Variants in KMT2D observed in about 807,000 individuals in gnomAD.
The protein encoded by KMT2D is histone-lysine N-methyltransferase 2D.
KMT2D carries 55 observed loss-of-function variants against 512.7 expected under a neutral mutation model. The ratio of observed to expected loss-of-function variants is 0.11; its 90% CI spans 0.09 to 0.13. The LOEUF (loss-of-function observed/expected upper bound fraction) is 0.13. KMT2D is among the 10% of genes least tolerant of loss of function. The pLI is 1.00. For synonymous variants in KMT2D, 2,995 were observed against 2,904.0 expected, an observed-to-expected ratio of 1.03 and a Z score of -1.01; for missense variants, 6,061 against 7,127.9, an observed-to-expected ratio of 0.85 and a Z score of 5.39.
chr12:49,027,332 G>A lies in KMT2D; in HGVS notation c.14644-10C>T, dbSNP rs1414123035. 6.6e-7 allele frequency: 1 copy of A among 1,510,220 alleles called. No individual in the cohort carries two copies. The highest frequency in any genetic ancestry group is 2.3e-5 in the East Asian group (1 of 43,514). 93.6% of individuals were successfully genotyped at this position (1,510,220 alleles called of 1,614,324 possible). ...CTGGGGCGGGGCTCTCCTGTAGGAGGGTGCCCTGTATCATTAGTGCCAGCT... is the reference window on the plus strand; with the variant it reads ...CTGGGGCGGGGCTCTCCTGTAGGAGAGTGCCCTGTATCATTAGTGCCAGCT... On this transcript the variant is annotated splice_polypyrimidine_tract_variant and intron_variant, in intron 48 of 54. Transcript: ENST00000301067.
rs1241275789 is a variant in KMT2D, at chr12:49,050,964, G to A, written c.2719C>T (p.Pro907Ser). 1.3e-6 allele frequency: 2 copies of A among 1,559,958 alleles called. No individual in the cohort carries two copies. The highest frequency in any genetic ancestry group is 1.7e-6 in the Non-Finnish European group (2 of 1,154,620). Reference protein sequence around the residue: ...EPALSEPGEPPLSPLPEELPL... With the variant: ...EPALSEPGEPSLSPLPEELPL... ...AGCTCCTCGGGCAGAGGGGACAGAG[G>A]TGGTTCCCCAGGCTCAGACAGGGCT... The change falls in exon 11 of 55, where the codon CCT (proline) becomes TCT (serine). Residue 907 changes from proline (P) to serine (S), a missense_variant. Around this residue, in one of 16 missense-constraint regions of KMT2D, gnomAD observed 848 missense variants for 838.5 expected, o/e 1.01. Coordinates refer to ENST00000301067, the MANE Select transcript of KMT2D (RefSeq NM_003482.4).
rs1201606861 is a variant in KMT2D at position 49,042,595 on chromosome 12, G to C, written c.5833C>G (p.Pro1945Ala). Residue 1945 changes from proline to alanine, a missense_variant, in exon 28 of 55, where the codon CCA becomes GCA. This residue lies in a region of KMT2D where 640 missense variants were observed against 814.3 expected (regional missense o/e 0.79). Transcript: ENST00000301067. The surrounding 1 kb of genome is among the most constrained non-coding windows in gnomAD (Gnocchi z 4.4). The part of the protein sequence containing the change: ...LPSSSPMDSY[P>A]GLCQSPFLDS... ...AGGAACGGGGACTGGCAGAGGCCTG[G>C]GTAGGAGTCCATTGGGCTGCTGGAG... 2 of 1,613,834 alleles carry C rather than the reference G, an allele frequency of 1.2e-6. No individual in the cohort carries two copies. The highest frequency in any genetic ancestry group is 1.7e-6 in the Non-Finnish European group (2 of 1,179,802).
chr12:49,034,458 G>T lies in KMT2D; in HGVS notation c.10459C>A (p.Pro3487Thr), dbSNP rs1943117900. The change falls in exon 38 of 55, where the codon CCC (proline) becomes ACC (threonine). Residue 3487 changes from proline to threonine, a missense_variant. Around this residue, in one of 16 missense-constraint regions of KMT2D, gnomAD observed 533 missense variants for 539.6 expected, o/e 0.99. Transcript: ENST00000301067. ...GGCGGGTTGGGACGAGGCTGGGAGG[G>T]ATCACCAGCACTCCGCTCCTGCAAT... ...GSGQERSAGD[P>T]SQPRPNPPTF... 6.2e-7 allele frequency: 1 copy of T among 1,613,644 alleles called. No homozygotes were observed. The highest frequency in any genetic ancestry group is 1.1e-5 in the South Asian group (1 of 91,054).
At position 49,050,222 on chromosome 12, in the gene KMT2D, T is replaced by G. The variant is rs773345382; in HGVS notation, c.3366A>C (p.Thr1122=). ...GAGCATCAATCCCATCCAGAGGGGC[T>G]GTGTCTTCCCCTAGGCCAGAGAAGT... The part of the protein sequence containing the change: ...LDDFSGLGED[T]APLDGIDAPG... Residue 1122 remains threonine, a synonymous_variant, in exon 12 of 55, where the codon ACA becomes ACC. Transcript: ENST00000301067. 27 of 1,613,506 alleles carry G rather than the reference T, an allele frequency of 1.7e-5. No homozygotes were observed. Among genetic ancestry groups the G allele is most frequent in the Non-Finnish European group, 2.3e-5 (27 of 1,179,790 alleles).
Position 49,051,703 on chromosome 12 carries a change from T to C in KMT2D, c.1980A>G (p.Ser660=), listed in dbSNP as rs1592156019. ...VSRLSPLPVV[S]RLSPPPEESP... ...ATTCCTCAGGCGGTGGAGACAGGCG[T>C]GACACCACAGGCAGGGGGGATAGGC... The change falls in exon 11 of 55, where the codon TCA becomes TCG. Residue 660 remains serine, a synonymous_variant. Transcript: ENST00000301067. The C allele has an allele frequency of 7.8e-7, 1 of 1,277,052 alleles. No individual in the cohort carries two copies. The allele number at this position is 1,277,052 out of a possible 1,614,324, so 79.1% of individuals were successfully genotyped here.
rs398123707 is a variant in KMT2D at position 49,033,482 on chromosome 12, T to TTGC, written c.11220_11222dup (p.Gln3745dup). 1.4e-3 allele frequency: 2,252 copies of TTGC among 1,611,336 alleles called. 5 individuals are homozygous for TTGC. The highest frequency in any genetic ancestry group is 1.3e-3 in the Non-Finnish European group (1,583 of 1,178,770). ...GTCCTAGAAGGTGCTGCTGCTGCTG[T>TTGC]TGCTGCTGCTGCTGCTGCTGCAGTT... On this transcript the variant is annotated inframe_insertion, in exon 40 of 55. Transcript: ENST00000301067.
Position 49,044,159 on chromosome 12 carries a change from C to A in KMT2D, c.5188+41G>T, listed in dbSNP as rs745831259. The stretch of plus-strand genomic sequence containing the variant: ...CCCCTGGGTCTCTCTAGCATTGCCC[C>A]ACCTTCTCCCAGGCCCCACTGGTGC... On this transcript the variant is annotated intron_variant, in intron 22 of 54. Coordinates refer to ENST00000301067, the MANE Select transcript of KMT2D (RefSeq NM_003482.4). This position sits in a 1 kb window ranked among gnomAD's most constrained non-coding sequence, Gnocchi z 6.4. The A allele has an allele frequency of 6.2e-7, 1 of 1,601,732 alleles. No individual in the cohort carries two copies. Among genetic ancestry groups the A allele is most frequent in the East Asian group, 2.2e-5 (1 of 44,728 alleles).
In KMT2D at chr12:49,045,946, A is replaced by C. The variant is rs755598743; in HGVS notation, c.4715T>G (p.Leu1572Arg). The C allele has an allele frequency of 5.0e-6, 8 of 1,613,962 alleles. No homozygotes were observed. Among genetic ancestry groups the C allele is most frequent in the Non-Finnish European group, 6.8e-6 (8 of 1,179,864 alleles). ...TGGCTCTTTCACCTTCATGGGCACC[A>C]GCTCTGGAGGTGCAACAGGCGCTAT... Reference protein sequence around the residue: ...KPVAPVAPPELVPMKVKEPEP... With the variant: ...KPVAPVAPPERVPMKVKEPEP... The change falls in exon 19 of 55, where the codon CTG becomes CGG. Residue 1572 changes from leucine to arginine, a missense_variant. Physicochemically the swap from Leu to Arg is moderately radical, Grantham distance 102. This residue lies in a region of KMT2D where 640 missense variants were observed against 814.3 expected (regional missense o/e 0.79). Transcript: ENST00000301067.
Position 49,040,865 on chromosome 12 carries a change from G to A in KMT2D, c.6905C>T (p.Pro2302Leu), listed in dbSNP as rs1943481947. The A allele has an allele frequency of 1.2e-6, 2 of 1,613,810 alleles. No individual in the cohort carries two copies. Among genetic ancestry groups the A allele is most frequent in the African/African-American group, 1.3e-5 (1 of 75,028 alleles). ...GGGTGAGTCAACAAAGCCCAGGTTT[G>A]GGGGCCCATAGCTAGGAGAGGATGC... is the stretch of plus-strand genomic sequence containing the variant. Reference protein sequence around the residue: ...LGASSPSYGPPNLGFVDSPSS... With the variant: ...LGASSPSYGPLNLGFVDSPSS... The change falls in exon 32 of 55, where the codon CCA (proline) becomes CTA (leucine). Residue 2302 changes from proline to leucine, a missense_variant. Coordinates refer to ENST00000301067, the MANE Select transcript of KMT2D (RefSeq NM_003482.4).
rs2120531084 is a variant in KMT2D at position 49,040,584 on chromosome 12, A to G, written c.7186T>C (p.Cys2396Arg). The change falls in exon 32 of 55, where the codon TGT becomes CGT. Residue 2396 changes from cysteine (C) to arginine (R), a missense_variant. Physicochemically the swap from Cys to Arg is radical, Grantham distance 180. Transcript: ENST00000301067. ...GGCAGTGAGCGAGGGGGCAGAGCAC[A>G]GCAGCTCTCAGGGGGCGGAGGTTGG... ...RPQPPPPESC[C>R]ALPPRSLPSD... 1 of 1,613,146 alleles carries G rather than the reference A, an allele frequency of 6.2e-7. No individual in the cohort carries two copies. Among genetic ancestry groups the G allele is most frequent in the Non-Finnish European group, 8.5e-7 (1 of 1,179,618 alleles).
intron 6 of KMT2D, 77 bp from the exon 7 acceptor site, chr12:49,053,718 C>A (rs2120700479): frequency 6.9e-7 from 1 of 1,450,330 alleles, no homozygotes. Flanking sequence ...ACAAAACAGG[C>A]ACTCCATGGG....
In KMT2D at chr12:49,051,324, GTGGCTCCTCAGGCACAGCGCATAGGCA is replaced by G. The variant is rs764417517; in HGVS notation, c.2332_2358del (p.Cys778_Pro786del). ...GGTCCCTCAGCCTGGGGGGACAAGTGTGGCTCCTCAGGCACAGCGCATAGGCATGGCTCCTCAGGCTGGGGGGACAGG... is the reference window on the plus strand; with the variant it reads ...GGTCCCTCAGCCTGGGGGGACAAGTGTGGCTCCTCAGGCTGGGGGGACAGG... On this transcript the variant is annotated inframe_deletion, in exon 11 of 55. Transcript: ENST00000301067. The G allele has an allele frequency of 1.4e-4, 225 of 1,593,022 alleles. No homozygotes were observed. The highest frequency in any genetic ancestry group is 1.8e-4 in the Non-Finnish European group (214 of 1,166,636).
chr12:49,042,597 T>C lies in KMT2D; in HGVS notation c.5831A>G (p.Tyr1944Cys), dbSNP rs2120557252. 6.2e-7 allele frequency: 1 copy of C among 1,613,772 alleles called. No individual in the cohort carries two copies. The highest frequency in any genetic ancestry group is 8.5e-7 in the Non-Finnish European group (1 of 1,179,794). ...NLPSSSPMDSYPGLCQSPFLD... is the reference protein window; with the variant it reads ...NLPSSSPMDSCPGLCQSPFLD... Reference sequence around the variant, plus strand: ...GAACGGGGACTGGCAGAGGCCTGGGTAGGAGTCCATTGGGCTGCTGGAGGG... The same window carrying C: ...GAACGGGGACTGGCAGAGGCCTGGGCAGGAGTCCATTGGGCTGCTGGAGGG... The change falls in exon 28 of 55, where the codon TAC becomes TGC. Residue 1944 changes from tyrosine to cysteine, a missense_variant. By Grantham distance (194) the Tyr-to-Cys change is radical (BLOSUM62 -2). Transcript: ENST00000301067. This position sits in a 1 kb window ranked among gnomAD's most constrained non-coding sequence, Gnocchi z 4.4.
At chr12:49,034,531 G>A (rs1411934560) in intron 37 of KMT2D, 51 bp downstream of exon 37, 1 of 1,611,866 alleles carries the variant, frequency 6.2e-7, no homozygotes, top group East Asian at 2.2e-5. Flanking sequence ...CCCTAAGAAG[G>A]GTGGCCCAGT....
intron 46 of KMT2D, 149 bp downstream of exon 46, chr12:49,028,679 G>T: frequency 9.5e-7 from 1 of 1,057,892 alleles, no homozygotes; most frequent in Non-Finnish European, 1.3e-6. Context: ...TCATTTACCC[G>T]AATCTCACAG....
In KMT2D at chr12:49,058,108, C is replaced by A. The variant is rs573942806; in HGVS notation, c.-38+1505G>T. Among the ~76,000 whole-genome samples the A allele has an allele frequency of 7.9e-5, 12 of 152,292 alleles. No individual in the cohort carries two copies. In the South Asian group the frequency reaches 1.5e-3, roughly 18 times the overall value. The stretch of plus-strand genomic sequence containing the variant: ...GACTCAGGACTTCCTGGTTCCCAGC[C>A]TGGACTCAAACCACACCTCTTCCCA... On this transcript the variant is annotated intron_variant, in intron 1 of 54. Transcript: ENST00000301067.
In KMT2D at chr12:49,029,196, C is replaced by T. The variant is rs1323665252; in HGVS notation, c.14116G>A (p.Val4706Met). Residue 4706 changes from valine (V) to methionine (M), a missense_variant, in exon 45 of 55, where the codon GTG becomes ATG. Physicochemically the swap from Val to Met is conservative, Grantham distance 21. Transcript: ENST00000301067. ...ATGCTCTCAGGGGATGAAGCTGGCA[C>T]AATGCTGTCAGGAGAATCGCTATCC... ...DEDSDSPDSI[V>M]PASSPESILG... is the part of the protein sequence containing the mutation. 8 of 1,613,930 alleles carry T rather than the reference C, an allele frequency of 5.0e-6. No individual in the cohort carries two copies. Among genetic ancestry groups the T allele is most frequent in the Non-Finnish European group, 5.9e-6 (7 of 1,179,818 alleles).
Position 49,037,185 on chromosome 12 carries a change from T to C in KMT2D, c.10171A>G (p.Met3391Val), listed in dbSNP as rs2120475305. Reference protein sequence around the residue: ...PMGTMPPSMCMKPQQLAMQQQ... With the variant: ...PMGTMPPSMCVKPQQLAMQQQ... ...TGCATTGCCAATTGCTGCGGCTTCA[T>C]GCACATGGAAGGTGGCATGGTGCCC... Residue 3391 changes from methionine to valine, a missense_variant, in exon 35 of 55, where the codon ATG becomes GTG. Physicochemically the swap from Met to Val is conservative, Grantham distance 21. This residue lies in a region of KMT2D where 533 missense variants were observed against 539.6 expected (regional missense o/e 0.99). Transcript: ENST00000301067. The C allele has an allele frequency of 6.2e-7, 1 of 1,603,328 alleles. No individual in the cohort carries two copies. The highest frequency in any genetic ancestry group is 1.7e-5 in the Admixed American group (1 of 59,656).
In KMT2D at chr12:49,037,251, G is replaced by A. The variant is rs546335987; in HGVS notation, c.10105C>T (p.Pro3369Ser). 1.2e-6 allele frequency: 2 copies of A among 1,613,686 alleles called. No individual in the cohort carries two copies. The highest frequency in any genetic ancestry group is 2.2e-5 in the South Asian group (2 of 91,060). The change falls in exon 35 of 55, where the codon CCC becomes TCC. Residue 3369 changes from proline (P) to serine (S), a missense_variant. Pro to Ser is a moderately conservative substitution (Grantham distance 74). Around this residue, in one of 16 missense-constraint regions of KMT2D, gnomAD observed 533 missense variants for 539.6 expected, o/e 0.99. Transcript: ENST00000301067. Reference sequence around the variant, plus strand: ...AGCACTGGCTGTGAGCTCTGCTGGGGTACCAAGCCTGCCTGCCCTCCATGC... The same window carrying A: ...AGCACTGGCTGTGAGCTCTGCTGGGATACCAAGCCTGCCTGCCCTCCATGC... ...GQHGGQAGLV[P>S]QQSSQPVLSQ...
Sources: gnomAD v4.1 joint callset for allele counts (sites outside exome capture counted in the v4.1 genomes callset) on GRCh38, gnomAD v4.1.1 for gene constraint, gnomAD v4.1.1 regional missense constraint, Gnocchi (gnomAD v3.1) non-coding constraint, MANE v1.5 for transcripts, NCBI Gene and HGNC (gene_info 2026-07-23, HGNC 2026-07-21) for gene names.